EYA1: variants seen among roughly 807,000 people sequenced by gnomAD.
EYA1 encodes the protein EYA transcriptional coactivator and phosphatase 1.
In EYA1, 16 loss-of-function variants were observed where a neutral mutation model predicts 82.0. The ratio of observed to expected loss-of-function variants is 0.20; its 90% CI spans 0.13 to 0.30. The LOEUF is 0.30. EYA1 is among the 10% of genes least tolerant of loss of function. EYA1 has a pLI of 1.00. For synonymous variants in EYA1, 261 were observed against 264.4 expected (o/e 0.99, Z 0.12); for missense variants, 633 against 730.7 (o/e 0.87, Z 1.54).
At chr8:71,470,852 A>T in intron 2 of EYA1, 1 of 454,590 alleles carries the variant, frequency 2.2e-6, no homozygotes, top group Non-Finnish European at 4.4e-6. Context: ...AAAATGTCAG[A>T]TTTACCTTTA....
At chr8:71,413,182 A>G (rs1309613889) in intron 2 of EYA1, among the ~76,000 whole-genome samples, 4 of 152,214 alleles carry the variant, frequency 2.6e-5, no homozygotes, top group African/African-American at 9.6e-5. Context: ...CAGAAAGATT[A>G]TCTTTAAAAT....
At chr8:71,472,303 G>A (rs1489684631) in intron 2 of EYA1, among the ~76,000 whole-genome samples, 1 of 152,056 alleles carries the variant, frequency 6.6e-6, no homozygotes, top group Non-Finnish European at 1.5e-5. Flanking sequence ...ATGACTAAAT[G>A]TGATGTTTCT....
intron 2 of EYA1, among the ~76,000 whole-genome samples, chr8:71,476,060 T>C (rs1441782906): frequency 6.6e-6 from 1 of 152,166 alleles, no homozygotes; most frequent in Non-Finnish European, 1.5e-5. Flanking sequence ...TCATGTTGAA[T>C]GAACTAGCAT....
chr8:71,545,826 A>G (rs1021006492), intron 1 of EYA1, among the ~76,000 whole-genome samples: 2 of 151,952 alleles, frequency 1.3e-5, no homozygotes, highest in Non-Finnish European at 2.9e-5. Context: ...TCCCAAAGTG[A>G]TGGGATTACA....
At chr8:71,483,559 C>CAA (rs5892280) in intron 2 of EYA1, among the ~76,000 whole-genome samples, 14,465 of 148,734 alleles carry the variant, frequency 0.097, 2,078 homozygotes, top group African/African-American at 0.32. Flanking sequence ...TTAGAATATA[C>CAA]AAAAAAAAAA....
At chr8:71,402,564 A>G (rs1830014596) in intron 2 of EYA1, among the ~76,000 whole-genome samples, 1 of 152,228 alleles carries the variant, frequency 6.6e-6, no homozygotes, top group South Asian at 2.1e-4. Context: ...TGTAATTCAA[A>G]GCAAAGTGTA....
intron 1 of EYA1, among the ~76,000 whole-genome samples, 182 bp downstream of exon 1, chr8:71,361,465 G>A (rs1827368782): frequency 6.6e-6 from 1 of 152,164 alleles, no homozygotes; most frequent in South Asian, 2.1e-4. Context: ...CTACTTCTAG[G>A]ATGAAACCCT....
At chr8:71,408,799 C>A (rs1830425048) in intron 2 of EYA1, among the ~76,000 whole-genome samples, 1 of 138,542 alleles carries the variant, frequency 7.2e-6, no homozygotes, top group Admixed American at 7.3e-5. Flanking sequence ...CCATTGTCAA[C>A]ATTAGACAGA....
At chr8:71,350,495 T>C (rs888637995) in intron 3 of EYA1, among the ~76,000 whole-genome samples, 4 of 152,182 alleles carry the variant, frequency 2.6e-5, no homozygotes, top group African/African-American at 9.7e-5. Flanking sequence ...TAATTCAAGA[T>C]AGTATCTGTT....
intron 2 of EYA1, among the ~76,000 whole-genome samples, chr8:71,396,821 G>T (rs1376578673): frequency 1.3e-5 from 2 of 152,190 alleles, no homozygotes; most frequent in Non-Finnish European, 2.9e-5. Flanking sequence ...GTGCAGAGCT[G>T]AGTTCAATTC....
At chr8:71,455,662 T>C (rs1473310814) in intron 2 of EYA1, among the ~76,000 whole-genome samples, 1 of 152,136 alleles carries the variant, frequency 6.6e-6, no homozygotes, top group Non-Finnish European at 1.5e-5. Context: ...AAAAACCACA[T>C]GATTATTCAA....
At chr8:71,255,062 G>A (rs538841562) in intron 11 of EYA1, among the ~76,000 whole-genome samples, 6 of 152,174 alleles carry the variant, frequency 3.9e-5, no homozygotes, top group South Asian at 2.1e-4. Flanking sequence ...ACACTTGTAC[G>A]CTGAAAAATT....
At chr8:71,324,744 C>T (rs115344547) in intron 4 of EYA1, among the ~76,000 whole-genome samples, 18 of 152,290 alleles carry the variant, frequency 1.2e-4, no homozygotes, top group African/African-American at 4.1e-4. Context: ...CGACCCCCTG[C>T]GTGGAAATTA....
In EYA1 at chr8:71,438,227, G is replaced by C. The variant is rs532182242; in HGVS notation, c.34-81716C>G. 4.6e-5 allele frequency among the ~76,000 whole-genome samples: 7 copies of C among 152,084 alleles called. 1 individual carries two copies. The South Asian group carries it at 1.5e-3, about 32-fold the overall frequency. ...ATTTTCTTTCCCAAGAATAACAAGA[G>C]AAATTTGCAATTACTCTGGTGTGCT... On this transcript the variant is annotated intron_variant, in intron 2 of 18. Coordinates refer to the EYA1 transcript ENST00000643681.
At chr8:71,396,748 T>TAAG (rs1829643394) in intron 2 of EYA1, among the ~76,000 whole-genome samples, 1 of 151,170 alleles carries the variant, frequency 6.6e-6, no homozygotes, top group Admixed American at 6.6e-5. Context: ...GATGTGGTGC[T>TAAG]AAGAATGTAT....
rs117853402 is a variant in EYA1, at chr8:71,462,552, C to T, written c.33+73192G>A. The stretch of plus-strand genomic sequence containing the variant: ...CCCGCTCTGTGGAGTGTGCAGGTGG[C>T]CCCAGCAGCTCAGCCCAGCCCTAGT... On this transcript the variant is annotated intron_variant, in intron 2 of 18. Transcript: ENST00000643681. 4.7e-4 allele frequency among the ~76,000 whole-genome samples: 71 copies of T among 152,282 alleles called. No individual in the cohort carries two copies. In the East Asian group the frequency reaches 5.4e-3, roughly 12 times the overall value.
At chr8:71,276,357 T>C (rs1156655641) in intron 9 of EYA1, among the ~76,000 whole-genome samples, 1 of 152,174 alleles carries the variant, frequency 6.6e-6, no homozygotes, top group Non-Finnish European at 1.5e-5. Context: ...ATTTAATTGA[T>C]GCCCTCCAAG....
At chr8:71,304,394 C>T (rs1202825914) in intron 7 of EYA1, among the ~76,000 whole-genome samples, 1 of 142,726 alleles carries the variant, frequency 7.0e-6, no homozygotes, top group Non-Finnish European at 1.6e-5. Flanking sequence ...TAAATTGCAT[C>T]TCAGAATGGC....
intron 2 of EYA1, among the ~76,000 whole-genome samples, chr8:71,471,179 T>C (rs1809174847): frequency 6.6e-6 from 1 of 151,976 alleles, no homozygotes. Context: ...AGAGTCTGAA[T>C]TGCCTCTTAC....
Sources: gnomAD v4.1 joint callset for allele counts (sites outside exome capture counted in the v4.1 genomes callset) on GRCh38, gnomAD v4.1.1 for gene constraint, MANE v1.5 for transcripts, NCBI Gene and HGNC (gene_info 2026-07-23, HGNC 2026-07-21) for gene names.